The following PCDH15 variants were observed in gnomAD, a reference collection of about 807,000 sequenced individuals.
PCDH15 encodes the protein protocadherin-15.
PCDH15 carries 129 observed loss-of-function variants against 178.5 expected under a neutral mutation model. The ratio of observed to expected loss-of-function variants is 0.72; its 90% CI spans 0.63 to 0.84. PCDH15 has a LOEUF of 0.84. PCDH15 is among the 40% of genes least tolerant of loss of function. PCDH15 has a pLI of 0.00. For missense variants in PCDH15, 2,230 were observed against 2,099.9 expected (o/e 1.06, Z -1.21); for synonymous variants, 800 against 732.0 (o/e 1.09, Z -1.50).
intron 3 of PCDH15, among the ~76,000 whole-genome samples, chr10:54,510,895 C>G (rs2081590115): frequency 6.6e-6 from 1 of 152,044 alleles, no homozygotes; most frequent in Non-Finnish European, 1.5e-5. Flanking sequence ...GTATTTAACT[C>G]ATATGATACT....
chr10:55,026,928 G>T (rs1179240645), intron 2 of PCDH15, among the ~76,000 whole-genome samples: 1 of 151,872 alleles, frequency 6.6e-6, no homozygotes, highest in African/African-American at 2.4e-5. Flanking sequence ...TGTATATTGG[G>T]ATGATAATTA....
intron 2 of PCDH15, among the ~76,000 whole-genome samples, chr10:55,120,793 A>G (rs1439393872): frequency 6.6e-6 from 1 of 152,136 alleles, no homozygotes; most frequent in South Asian, 2.1e-4. Flanking sequence ...ACAGCTTGGG[A>G]TATACTTGCC....
intron 2 of PCDH15, among the ~76,000 whole-genome samples, chr10:55,365,928 T>G (rs549397912): frequency 6.6e-6 from 1 of 152,014 alleles, no homozygotes; most frequent in Non-Finnish European, 1.5e-5. Context: ...CCCTTTCCAC[T>G]CCTTAGATTA....
At position 54,608,506 on chromosome 10, in the gene PCDH15, G is replaced by A. The variant is rs1476853672; in HGVS notation, c.91+55666C>T. On this transcript the variant is annotated intron_variant, in intron 2 of 37. Coordinates refer to ENST00000644397, the MANE Select transcript of PCDH15 (RefSeq NM_001384140.1). ...CACGCCTATAGTTTCAGCTACTCTG[G>A]AGGCTGAGGTGGGCGGATAGATTGA... Among the ~76,000 whole-genome samples, 4 of 152,052 alleles carry A rather than the reference G, an allele frequency of 2.6e-5. No homozygotes were observed. In the East Asian group the frequency reaches 7.8e-4, roughly 30 times the overall value.
intron 2 of PCDH15, among the ~76,000 whole-genome samples, chr10:55,165,194 C>A (rs535190860): frequency 6.6e-6 from 1 of 152,018 alleles, no homozygotes; most frequent in Non-Finnish European, 1.5e-5. Flanking sequence ...GTATACTCAA[C>A]AAACGATGAA....
chr10:55,026,713 G>A (rs1840484409), intron 2 of PCDH15, among the ~76,000 whole-genome samples: 1 of 151,962 alleles, frequency 6.6e-6, no homozygotes, highest in African/African-American at 2.4e-5. Context: ...AATTGAAAAT[G>A]CCTGAAAGCT....
intron 2 of PCDH15, among the ~76,000 whole-genome samples, chr10:54,602,744 TTC>T (rs1158596616): frequency 3.9e-5 from 6 of 152,038 alleles, no homozygotes; most frequent in Non-Finnish European, 8.8e-5. Context: ...TTGTGTTTCA[TTC>T]TGTTTATGTA....
intron 2 of PCDH15, among the ~76,000 whole-genome samples, chr10:54,530,728 T>A (rs2132720337): frequency 6.6e-6 from 1 of 152,246 alleles, no homozygotes; most frequent in South Asian, 2.1e-4. Flanking sequence ...TTTAGTAGAT[T>A]CAAAATTCTC....
At chr10:55,532,797 T>C (rs945053488) in intron 2 of PCDH15, among the ~76,000 whole-genome samples, 1 of 152,004 alleles carries the variant, frequency 6.6e-6, no homozygotes, top group East Asian at 1.9e-4. Context: ...GGGTAAAATA[T>C]CCTTAATAAC....
At chr10:54,980,053 G>T (rs1839191519) in intron 2 of PCDH15, among the ~76,000 whole-genome samples, 1 of 152,092 alleles carries the variant, frequency 6.6e-6, no homozygotes, top group Non-Finnish European at 1.5e-5. Flanking sequence ...GGCAATGATT[G>T]GTGGCCATCC....
At position 54,480,414 on chromosome 10, in the gene PCDH15, T is replaced by A. The variant is rs182530979; in HGVS notation, c.157+47398A>T. ...TGGTGGGCCTCAGCAAAACCGTAAG[T>A]GGCCTTGTGAGACTGTGGGACTTTA... On this transcript the variant is annotated intron_variant, in intron 3 of 37. Coordinates refer to ENST00000644397, the MANE Select transcript of PCDH15 (RefSeq NM_001384140.1). Among the ~76,000 whole-genome samples, 5 of 152,124 alleles carry A rather than the reference T, an allele frequency of 3.3e-5. No homozygotes were observed. The East Asian group carries it at 9.7e-4, about 29-fold the overall frequency.
At chr10:55,147,711 T>C (rs1187464935) in intron 2 of PCDH15, among the ~76,000 whole-genome samples, 1 of 151,472 alleles carries the variant, frequency 6.6e-6, no homozygotes, top group Non-Finnish European at 1.5e-5. Flanking sequence ...GTGCACAATG[T>C]GCAGGTTAGT....
chr10:55,205,339 A>G (rs963482791), intron 1 of PCDH15, among the ~76,000 whole-genome samples: 4 of 152,004 alleles, frequency 2.6e-5, no homozygotes, highest in Admixed American at 1.3e-4. Flanking sequence ...CGGTCTACTT[A>G]TTCCTGGAAA....
At chr10:54,288,741 C>T (rs973140858) in intron 8 of PCDH15, among the ~76,000 whole-genome samples, 4 of 152,242 alleles carry the variant, frequency 2.6e-5, no homozygotes, top group African/African-American at 9.6e-5. Flanking sequence ...GGTCCCACAC[C>T]CACAGAGCCT....
chr10:54,167,237 C>G (rs1038501080), intron 13 of PCDH15, among the ~76,000 whole-genome samples: 10 of 152,120 alleles, frequency 6.6e-5, no homozygotes, highest in Admixed American at 1.3e-4. Flanking sequence ...GTCCTCAGAC[C>G]GACCAGCCCA....
chr10:54,355,701 T>C (rs1202436109), intron 5 of PCDH15, among the ~76,000 whole-genome samples: 2 of 152,074 alleles, frequency 1.3e-5, no homozygotes, highest in Admixed American at 6.6e-5. Flanking sequence ...TAAAATCAAA[T>C]TAGCCAGTAC....
At chr10:54,712,645 A>C (rs763627271) in intron 1 of PCDH15, among the ~76,000 whole-genome samples, 1 of 152,004 alleles carries the variant, frequency 6.6e-6, no homozygotes, top group Non-Finnish European at 1.5e-5. Flanking sequence ...GTACAAAACT[A>C]AGGGGGCAGT....
At chr10:54,991,692 C>A (rs12269633) in intron 2 of PCDH15, among the ~76,000 whole-genome samples, 52,155 of 151,924 alleles carry the variant, frequency 0.34, 10,435 homozygotes, top group African/African-American at 0.55. Context: ...CAACATGTCT[C>A]TTAGGGATAA....
Position 54,979,889 on chromosome 10 carries a change from A to G in PCDH15, c.-79-82389T>C, listed in dbSNP as rs748130103. ...ATACTTTTTAATGCAATACTTGTCT[A>G]AGATAAATTTTGGTTAATGATATAT... On this transcript the variant is annotated intron_variant, in intron 2 of 5. Coordinates refer to the PCDH15 transcript ENST00000458638. Among the ~76,000 whole-genome samples, 12 of 152,260 alleles carry G rather than the reference A, an allele frequency of 7.9e-5. No homozygotes were observed. In the South Asian group the frequency reaches 1.9e-3, roughly 24 times the overall value.
Sources: gnomAD v4.1 joint callset for allele counts (sites outside exome capture counted in the v4.1 genomes callset) on GRCh38, gnomAD v4.1.1 for gene constraint, MANE v1.5 for transcripts, NCBI Gene and HGNC (gene_info 2026-07-23, HGNC 2026-07-21) for gene names.